Variants in ASCC3 observed in about 807,000 individuals in gnomAD.
ASCC3 encodes the protein ASC-1 complex subunit P200.
In ASCC3, 158 loss-of-function variants were observed where a neutral mutation model predicts 256.3. The observed-to-expected ratio is 0.62, with a 90% CI of 0.54 to 0.70. The LOEUF (loss-of-function observed/expected upper bound fraction) is 0.70. Among genes scored for constraint, ASCC3 ranks in the 30% least tolerant of loss-of-function variants. The pLI is 0.00. For synonymous variants in ASCC3, 948 were observed against 883.4 expected (o/e 1.07, Z -1.30); for missense variants, 2,259 against 2,626.0 (o/e 0.86, Z 3.05).
At chr6:100,755,357 G>A (rs1029387260) in intron 10 of ASCC3, among the ~76,000 whole-genome samples, 2 of 143,620 alleles carry the variant, frequency 1.4e-5, no homozygotes, top group Non-Finnish European at 3.1e-5. Flanking sequence ...TTCCCCCAAT[G>A]TGCTTCCTCT....
intron 10 of ASCC3, among the ~76,000 whole-genome samples, chr6:100,743,037 A>T (rs916935793): frequency 1.3e-5 from 2 of 151,866 alleles, no homozygotes; most frequent in African/African-American, 4.8e-5. Context: ...CTCTGCCAAG[A>T]CTCTGCACAG....
intron 8 of ASCC3, among the ~76,000 whole-genome samples, chr6:100,771,165 G>A (rs887194895): frequency 2.0e-5 from 3 of 152,018 alleles, no homozygotes; most frequent in African/African-American, 7.2e-5. Flanking sequence ...AGGGCTGAAA[G>A]GCAATGTAGA....
chr6:100,580,746 C>T (rs1409583576), intron 36 of ASCC3, among the ~76,000 whole-genome samples: 2 of 130,590 alleles, frequency 1.5e-5, no homozygotes, highest in Non-Finnish European at 3.2e-5. Context: ...CCCCACCCCA[C>T]AACAGTCCCC....
At chr6:100,584,279 G>A (rs551257279) in intron 36 of ASCC3, among the ~76,000 whole-genome samples, 3 of 151,364 alleles carry the variant, frequency 2.0e-5, no homozygotes, top group South Asian at 2.1e-4. Flanking sequence ...TCCTGTATTG[G>A]GTGCATATAT....
In ASCC3 at chr6:100,576,223, G is replaced by A. The variant is rs564158534; in HGVS notation, c.5550+13411C>T. On this transcript the variant is annotated intron_variant, in intron 36 of 41. Transcript: ENST00000369162. ...CATGGTGTTAGAAAAAACTTGGCAA[G>A]GGTTCTTATGAAACACCTAACATTT... Among the ~76,000 whole-genome samples the A allele has an allele frequency of 2.6e-5, 4 of 151,994 alleles. No individual in the cohort carries two copies. In the East Asian group the frequency reaches 7.7e-4, roughly 29 times the overall value.
intron 3 of ASCC3, chr6:100,859,175 C>T (rs779872503): frequency 7.7e-6 from 6 of 779,950 alleles, no homozygotes; most frequent in Admixed American, 3.4e-5. Flanking sequence ...TCCATCCAGC[C>T]TCCTCTTCTG....
At chr6:100,676,733 T>TGTGCGCGCGC (rs1255876599) in intron 14 of ASCC3, among the ~76,000 whole-genome samples, 2 of 145,674 alleles carry the variant, frequency 1.4e-5, no homozygotes, top group East Asian at 4.2e-4. Flanking sequence ...CAAATGTATG[T>TGTGCGCGCGC]GTGCGCGCGC....
intron 25 of ASCC3, among the ~76,000 whole-genome samples, chr6:100,638,300 T>C (rs1472499983): frequency 6.6e-6 from 1 of 152,212 alleles, no homozygotes; most frequent in African/African-American, 2.4e-5. Context: ...TGTATATTTT[T>C]AGGCATAATG....
intron 4 of ASCC3, among the ~76,000 whole-genome samples, chr6:100,816,608 G>A (rs976086455): frequency 1.3e-5 from 2 of 152,090 alleles, no homozygotes; most frequent in African/African-American, 4.8e-5. Context: ...CTTCTTTGCA[G>A]GAACATGGGT....
At chr6:100,801,277 G>C (rs1376316221) in intron 5 of ASCC3, among the ~76,000 whole-genome samples, 1 of 152,046 alleles carries the variant, frequency 6.6e-6, no homozygotes, top group Non-Finnish European at 1.5e-5. Context: ...GAATGTAGTT[G>C]AAAGTAATCC....
chr6:100,513,346 C>G (rs762367072), intron 39 of ASCC3, among the ~76,000 whole-genome samples: 2 of 152,068 alleles, frequency 1.3e-5, no homozygotes, highest in Non-Finnish European at 2.9e-5. Context: ...CAGCTGTTGA[C>G]TATATTAAAA....
At chr6:100,582,268 G>C (rs887765149) in intron 36 of ASCC3, among the ~76,000 whole-genome samples, 3 of 152,074 alleles carry the variant, frequency 2.0e-5, no homozygotes, top group African/African-American at 2.4e-5. Context: ...TCATTGAGCA[G>C]TGGTTTGTAG....
chr6:100,656,382 C>A (rs1050167784), intron 16 of ASCC3, among the ~76,000 whole-genome samples: 1 of 151,412 alleles, frequency 6.6e-6, no homozygotes, highest in Non-Finnish European at 1.5e-5. Context: ...CTGTTTTGCA[C>A]GAAACAAAGC....
intron 10 of ASCC3, among the ~76,000 whole-genome samples, chr6:100,732,132 G>C (rs1436114566): frequency 1.4e-5 from 2 of 143,120 alleles, no homozygotes; most frequent in African/African-American, 5.2e-5. Flanking sequence ...TTGCACTCCA[G>C]CCTGGGCAAC....
chr6:100,561,924 T>G (rs1044091418), intron 36 of ASCC3, among the ~76,000 whole-genome samples: 56 of 152,138 alleles, frequency 3.7e-4, no homozygotes, highest in Admixed American at 3.7e-3. Context: ...GAGATTACAG[T>G]GCTTCTGGCA....
intron 4 of ASCC3, among the ~76,000 whole-genome samples, chr6:100,843,931 C>G (rs1256690293): frequency 6.6e-6 from 1 of 151,228 alleles, no homozygotes; most frequent in Non-Finnish European, 1.5e-5. Flanking sequence ...ACTTGAGAAC[C>G]TGGTCTGTGA....
intron 36 of ASCC3, among the ~76,000 whole-genome samples, chr6:100,566,451 T>C (rs1770255709): frequency 6.6e-6 from 1 of 152,152 alleles, no homozygotes; most frequent in African/African-American, 2.4e-5. Context: ...TTACCTACAT[T>C]CACAGGTCAT....
At chr6:100,578,057 C>T (rs1770970283) in intron 36 of ASCC3, among the ~76,000 whole-genome samples, 1 of 151,950 alleles carries the variant, frequency 6.6e-6, no homozygotes, top group South Asian at 2.1e-4. Context: ...TCTGCAAACT[C>T]AGAAACTGTC....
intron 37 of ASCC3, among the ~76,000 whole-genome samples, chr6:100,534,896 C>T (rs1017364097): frequency 2.0e-5 from 3 of 152,114 alleles, no homozygotes; most frequent in African/African-American, 7.2e-5. Context: ...TTTTCATAGT[C>T]TGGATGATGG....
Sources: gnomAD v4.1 joint callset for allele counts (sites outside exome capture counted in the v4.1 genomes callset) on GRCh38, gnomAD v4.1.1 for gene constraint, MANE v1.5 for transcripts, NCBI Gene and HGNC (gene_info 2026-07-23, HGNC 2026-07-21) for gene names.